Variants in EDA observed in about 807,000 individuals in gnomAD.
EDA encodes ectodysplasin-A.
EDA carries 2 observed loss-of-function variants against 23.6 expected under a neutral mutation model. The ratio of observed to expected loss-of-function variants is 0.08; its 90% CI spans 0.03 to 0.27. The LOEUF (loss-of-function observed/expected upper bound fraction) is 0.27. Among genes scored for constraint, EDA ranks in the 10% least tolerant of loss-of-function variants. The pLI, the probability that EDA is intolerant of heterozygous loss-of-function variation, is 1.00. For missense variants in EDA, 229 were observed against 324.2 expected, an observed-to-expected ratio of 0.71 and a Z score of 2.26; for synonymous variants, 131 against 132.0, an observed-to-expected ratio of 0.99 and a Z score of 0.05.
intron 1 of EDA, among the ~76,000 whole-genome samples, chrX:69,811,402 C>A (rs191024569): frequency 3.4e-3 from 380 of 112,468 alleles, no homozygotes; most frequent in Non-Finnish European, 6.0e-3. Flanking sequence ...ATCACTGAAA[C>A]TTATTAATTA....
At chrX:69,778,789 A>G (rs1372568349) in intron 1 of EDA, among the ~76,000 whole-genome samples, 2 of 111,507 alleles carry the variant, frequency 1.8e-5, no homozygotes, top group Non-Finnish European at 3.8e-5. Flanking sequence ...TAACTGACCC[A>G]TGAACCTTTA....
intron 1 of EDA, among the ~76,000 whole-genome samples, chrX:69,853,877 T>G (rs1428362828): frequency 8.9e-6 from 1 of 112,445 alleles, no homozygotes; most frequent in African/African-American, 3.2e-5. Flanking sequence ...TTTTGGTTTC[T>G]TTCACAACAC....
chrX:69,721,077 A>T (rs759291272), intron 1 of EDA, among the ~76,000 whole-genome samples: 2 of 111,759 alleles, frequency 1.8e-5, no homozygotes, highest in Non-Finnish European at 3.8e-5. Context: ...TTTAATTTTC[A>T]TAGCTTTTGT....
chrX:69,771,073 A>ATTTG (rs1459546237), intron 1 of EDA, among the ~76,000 whole-genome samples: 28 of 110,718 alleles, frequency 2.5e-4, no homozygotes, highest in Non-Finnish European at 4.9e-4. Context: ...TTATTTATTT[A>ATTTG]TTGAGACAGA....
At chrX:69,822,498 C>G (rs768338223) in intron 1 of EDA, among the ~76,000 whole-genome samples, 13 of 110,656 alleles carry the variant, frequency 1.2e-4, no homozygotes, top group African/African-American at 3.6e-4. Flanking sequence ...ATAGTACTTC[C>G]CTTTGAAAGG....
intron 1 of EDA, among the ~76,000 whole-genome samples, chrX:69,773,131 A>G (rs1165449147): frequency 1.8e-5 from 2 of 112,064 alleles, no homozygotes; most frequent in Admixed American, 9.5e-5. Context: ...AAATTTGTCA[A>G]TGATAGACAT....
At chrX:69,782,009 G>A (rs1276307494) in intron 1 of EDA, among the ~76,000 whole-genome samples, 1 of 109,337 alleles carries the variant, frequency 9.1e-6, no homozygotes, top group Non-Finnish European at 1.9e-5. Context: ...GGAGTTTGGA[G>A]AGAAAAGACA....
At chrX:69,692,223 A>G (rs763289802) in intron 1 of EDA, among the ~76,000 whole-genome samples, 18 of 111,575 alleles carry the variant, frequency 1.6e-4, no homozygotes, top group Non-Finnish European at 2.3e-4. Context: ...GTTTCACTCT[A>G]TGGATTGCCT....
At chrX:69,911,718 CA>C (rs2018268890) in intron 1 of EDA, among the ~76,000 whole-genome samples, 1 of 111,745 alleles carries the variant, frequency 8.9e-6, no homozygotes, top group Non-Finnish European at 1.9e-5. Context: ...TGTGCAATAG[CA>C]ATATGTCCAA....
chrX:69,889,743 A>G (rs1461516209), intron 1 of EDA, among the ~76,000 whole-genome samples: 1 of 111,619 alleles, frequency 9.0e-6, no homozygotes, highest in Non-Finnish European at 1.9e-5. Flanking sequence ...TTTTTGTTTC[A>G]CTTTCTTATG....
chrX:69,708,004 A>G (rs746416472), intron 1 of EDA, among the ~76,000 whole-genome samples: 1 of 112,079 alleles, frequency 8.9e-6, no homozygotes, highest in Non-Finnish European at 1.9e-5. Context: ...CAGTTGCTCT[A>G]ATAGATCAGT....
At chrX:69,870,042 A>G (rs1381478269) in intron 1 of EDA, among the ~76,000 whole-genome samples, 2 of 111,826 alleles carry the variant, frequency 1.8e-5, no homozygotes, top group African/African-American at 6.5e-5. Context: ...CACCATCCCA[A>G]TCTCCCTAAG....
At chrX:69,688,433 CT>C in intron 1 of EDA, among the ~76,000 whole-genome samples, 1 of 111,180 alleles carries the variant, frequency 9.0e-6, no homozygotes. Flanking sequence ...CAGAGTTTCC[CT>C]TGATCGCCCA....
chrX:69,882,353 A>G (rs753873575), intron 1 of EDA, among the ~76,000 whole-genome samples: 1 of 111,967 alleles, frequency 8.9e-6, no homozygotes, highest in East Asian at 2.8e-4. Flanking sequence ...GGTGCTTCCC[A>G]GAGGTCTCAC....
At chrX:69,820,087 C>T (rs1219473067) in intron 1 of EDA, among the ~76,000 whole-genome samples, 3 of 111,117 alleles carry the variant, frequency 2.7e-5, no homozygotes, top group Admixed American at 9.6e-5. Flanking sequence ...AGAAATAATA[C>T]TGCACACCTA....
At chrX:69,768,976 ATACT>A (rs1213111171) in intron 1 of EDA, among the ~76,000 whole-genome samples, 23 of 111,944 alleles carry the variant, frequency 2.1e-4, no homozygotes, top group East Asian at 2.8e-4. Context: ...TAATTTCCAA[ATACT>A]TAATGATTTT....
Position 69,982,345 on chromosome X carries a change from A to G in EDA, c.502+25213A>G, listed in dbSNP as rs555335839. On this transcript the variant is annotated intron_variant, in intron 2 of 7. Transcript: ENST00000374552. ...CCGCTTACATCTTTCCCCCCAAGAA[A>G]CACAAAGGGCTTTACAAACCCACAA... Among the ~76,000 whole-genome samples the G allele has an allele frequency of 2.3e-4, 26 of 111,496 alleles. No homozygotes were observed. The South Asian group carries it at 0.01, about 43-fold the overall frequency.
intron 1 of EDA, among the ~76,000 whole-genome samples, chrX:69,675,882 G>A (rs927447881): frequency 9.0e-6 from 1 of 111,581 alleles, no homozygotes; most frequent in African/African-American, 3.3e-5. Context: ...GTCCAGGGAA[G>A]CTAACTGAGA....
rs1010167105 is a variant in EDA at position 69,707,180 on chromosome X, A to G, written c.396+90476A>G. 6.2e-5 allele frequency among the ~76,000 whole-genome samples: 7 copies of G among 112,199 alleles called. No individual in the cohort carries two copies. The Admixed American group carries it at 6.6e-4, about 11-fold the overall frequency. On this transcript the variant is annotated intron_variant, in intron 1 of 7. Transcript: ENST00000374552. ...CAGTCAACTGAGAGGTTCTTATGGG[A>G]GAAGCAAGAATAAGTACAGAAAACA...
Sources: gnomAD v4.1 joint callset for allele counts (sites outside exome capture counted in the v4.1 genomes callset) on GRCh38, gnomAD v4.1.1 for gene constraint, MANE v1.5 for transcripts, NCBI Gene and HGNC (gene_info 2026-07-23, HGNC 2026-07-21) for gene names.